The following OGA variants were observed in gnomAD, a reference collection of about 807,000 sequenced individuals.
OGA encodes the protein O-GlcNAcase, also known as protein O-GlcNAcase.
OGA carries 21 observed loss-of-function variants against 102.0 expected under a neutral mutation model. That is an observed-to-expected ratio of 0.21 (90% confidence interval 0.15 to 0.30). The LOEUF (loss-of-function observed/expected upper bound fraction) is 0.30, where lower values mean the gene tolerates loss of function less well. Ranked by LOEUF, OGA falls within the 10% of genes least tolerant of loss-of-function variation. The pLI, the probability that OGA is intolerant of heterozygous loss-of-function variation, is 1.00. For missense variants in OGA, 765 were observed against 1,107.8 expected (o/e 0.69, Z 4.39); for synonymous variants, 408 against 378.2 (o/e 1.08, Z -0.91).
intron 6 of OGA, among the ~76,000 whole-genome samples, chr10:101,804,564 C>A (rs967364627): frequency 1.3e-5 from 2 of 152,084 alleles, no homozygotes; most frequent in Non-Finnish European, 2.9e-5. Flanking sequence ...TGAGCCACTG[C>A]GCCTGGCCCC....
chr10:101,789,184 G>A (rs956282600), intron 14 of OGA, among the ~76,000 whole-genome samples: 34 of 152,154 alleles, frequency 2.2e-4, no homozygotes, highest in Admixed American at 1.7e-3. Context: ...AGGGCAGAAG[G>A]TAAAATATAG....
intron 7 of OGA, among the ~76,000 whole-genome samples, chr10:101,802,598 G>A (rs1339991962): frequency 4.6e-5 from 7 of 151,568 alleles, no homozygotes; most frequent in African/African-American, 1.7e-4. Flanking sequence ...GAACCTGGGA[G>A]GCGGAGGTTG....
At position 101,817,847 on chromosome 10, in the gene OGA, C is replaced by G. The variant is rs1436051486; in HGVS notation, c.176G>C (p.Arg59Pro). Residue 59 changes from arginine (R) to proline (P), a missense_variant, in exon 1 of 16, where the codon CGG (arginine) becomes CCG (proline). By Grantham distance (103) the Arg-to-Pro change is moderately radical. Around this residue, in one of 7 missense-constraint regions of OGA, gnomAD observed 117 missense variants for 85.7 expected, o/e 1.36. Coordinates refer to ENST00000361464, the MANE Select transcript of OGA (RefSeq NM_012215.5). ...AVAGAAGGARRFLCGVVEGFY... is the reference protein window; with the variant it reads ...AVAGAAGGARPFLCGVVEGFY... ...ACCTTCCACCACACCGCAGAGGAAC[C>G]GCCGAGCCCCTCCTGCAGCCCCGGC... is the stretch of plus-strand genomic sequence containing the variant. 3 of 1,540,414 alleles carry G rather than the reference C, an allele frequency of 1.9e-6. No individual in the cohort carries two copies. The highest frequency in any genetic ancestry group is 2.7e-5 in the African/African-American group (2 of 72,996).
At chr10:101,796,786 G>C (rs1409575768) in intron 10 of OGA, among the ~76,000 whole-genome samples, 2 of 151,826 alleles carry the variant, frequency 1.3e-5, no homozygotes, top group Non-Finnish European at 2.9e-5. Flanking sequence ...CTGGTCTCAT[G>C]CTGGTTTTCA....
At chr10:101,797,198 G>A (rs1356005358) in intron 10 of OGA, 1 of 152,050 alleles carries the variant, frequency 6.6e-6, no homozygotes, top group Non-Finnish European at 1.5e-5. Context: ...ACTATGACAT[G>A]TCAGTCAGCC....
chr10:101,792,156 C>G (rs2065267437), intron 12 of OGA, among the ~76,000 whole-genome samples: 1 of 152,008 alleles, frequency 6.6e-6, no homozygotes, highest in African/African-American at 2.4e-5. Context: ...GTAGCTGGGA[C>G]TATAGGCACC....
intron 12 of OGA, among the ~76,000 whole-genome samples, chr10:101,791,728 G>A (rs183944883): frequency 3.3e-5 from 5 of 151,210 alleles, no homozygotes; most frequent in African/African-American, 1.2e-4. Flanking sequence ...GTGCAGTGGT[G>A]CAATCTCGGC....
rs753100115 is a variant in OGA at position 101,810,172 on chromosome 10, G to A, written c.480+12C>T. 223 of 1,598,498 alleles carry A rather than the reference G, an allele frequency of 1.4e-4. 1 individual carries two copies. The highest frequency in any genetic ancestry group is 1.7e-4 in the Non-Finnish European group (205 of 1,173,450). ...CATAGTCAGGAAAAATGAATAAAAAGTAAGGAGTTACCTGGTCCAATTTAC... is the reference window on the plus strand; with the variant it reads ...CATAGTCAGGAAAAATGAATAAAAAATAAGGAGTTACCTGGTCCAATTTAC... On this transcript the variant is annotated intron_variant, in intron 4 of 15. Transcript: ENST00000361464.
chr10:101,793,803 G>T, intron 11 of OGA, 110 bp downstream of exon 11: 1 of 738,932 alleles, frequency 1.4e-6, no homozygotes. Context: ...AATTGAATTT[G>T]GGACTAGAAA....
At chr10:101,789,823 A>G (rs1285291548) in intron 14 of OGA, among the ~76,000 whole-genome samples, 1 of 152,118 alleles carries the variant, frequency 6.6e-6, no homozygotes, top group Non-Finnish European at 1.5e-5. Context: ...AAAAAATACA[A>G]AAAAGTTAGC....
At chr10:101,795,415 C>T (rs145531930) in intron 10 of OGA, among the ~76,000 whole-genome samples, 6 of 152,328 alleles carry the variant, frequency 3.9e-5, no homozygotes, top group Non-Finnish European at 7.3e-5. Context: ...TTAATCATGA[C>T]GCGCTGTGAA....
rs138013957 is a variant in OGA at position 101,806,116 on chromosome 10, T to C, written c.680A>G (p.Asn227Ser). The C allele has an allele frequency of 5.3e-5, 85 of 1,610,206 alleles. 1 individual carries two copies. The African/African-American group carries it at 1.1e-3, about 21-fold the overall frequency. The change falls in exon 6 of 16, where the codon AAT (asparagine) becomes AGT (serine). Residue 227 changes from asparagine (N) to serine (S), a missense_variant. Physicochemically the swap from Asn to Ser is conservative, Grantham distance 46. Around this residue, in one of 7 missense-constraint regions of OGA, gnomAD observed 165 missense variants for 249.7 expected, o/e 0.66. Transcript: ENST00000361464. Reference sequence around the variant, plus strand: ...CCTTAAATATGGAGACTGAGACACATTTGGATAACAGAAAGTGCCACAGTA... The same window carrying C: ...CCTTAAATATGGAGACTGAGACACACTTGGATAACAGAAAGTGCCACAGTA... Reference protein sequence around the residue: ...TEYCGTFCYPNVSQSPYLRTV... With the variant: ...TEYCGTFCYPSVSQSPYLRTV...
At chr10:101,799,989 C>T (rs1192614884) in intron 8 of OGA, among the ~76,000 whole-genome samples, 3 of 152,170 alleles carry the variant, frequency 2.0e-5, no homozygotes, top group Admixed American at 6.5e-5. Context: ...TGTCCTGCCT[C>T]AGCCTCCCAA....
intron 15 of OGA, among the ~76,000 whole-genome samples, chr10:101,786,794 C>T (rs1245878001): frequency 3.9e-5 from 6 of 152,204 alleles, no homozygotes; most frequent in Admixed American, 6.5e-5. Context: ...CCCCCGCACC[C>T]GAGACAGAAT....
Position 101,813,548 on chromosome 10 carries a change from G to A in OGA, c.251+7C>T. The stretch of plus-strand genomic sequence containing the variant: ...TCTCCTCTCTCCTTCATATAATGAA[G>A]ATTTACCTTCTAAAGAGTTCTTTTC... On this transcript the variant is annotated splice_region_variant and intron_variant, in intron 2 of 15. Transcript: ENST00000361464. 2.0e-6 allele frequency: 3 copies of A among 1,522,490 alleles called. No individual in the cohort carries two copies. The highest frequency in any genetic ancestry group is 1.8e-6 in the Non-Finnish European group (2 of 1,110,274). The allele number at this position is 1,522,490 out of a possible 1,614,324, so 94.3% of individuals were successfully genotyped here.
At chr10:101,794,592 C>T (rs2065294743) in intron 10 of OGA, among the ~76,000 whole-genome samples, 1 of 152,082 alleles carries the variant, frequency 6.6e-6, no homozygotes, top group South Asian at 2.1e-4. Flanking sequence ...CTAATAATAC[C>T]AGTCTGACAG....
chr10:101,809,733 A>T (rs1732677425), intron 4 of OGA, among the ~76,000 whole-genome samples: 1 of 150,442 alleles, frequency 6.6e-6, no homozygotes, highest in African/African-American at 2.4e-5. Flanking sequence ...AAAAAAAAGC[A>T]TTCAAAGTAA....
At chr10:101,815,959 GAGAGAAAAAAAAAA>G (rs2065616997) in intron 1 of OGA, among the ~76,000 whole-genome samples, 1 of 4,006 alleles carries the variant, frequency 2.5e-4, no homozygotes. Flanking sequence ...GTATCAAAAA[GAGAGAAAAAAAAAA>G]AAAAAAAAAA....
chr10:101,789,310 C>T (rs2135027223), intron 14 of OGA, among the ~76,000 whole-genome samples: 1 of 152,106 alleles, frequency 6.6e-6, no homozygotes, highest in African/African-American at 2.4e-5. Context: ...ACCAGCCTGA[C>T]CAACATGGAG....
Sources: allele counts gnomAD v4.1 joint callset (sites outside exome capture counted in the v4.1 genomes callset), GRCh38; gene constraint gnomAD v4.1.1; regional missense constraint gnomAD v4.1.1; transcripts MANE v1.5; gene names NCBI Gene and HGNC (gene_info 2026-07-23, HGNC 2026-07-21).